ISOC1: variants seen among roughly 807,000 people sequenced by gnomAD.
ISOC1 encodes the protein isochorismatase domain containing 1, also known as isochorismatase domain-containing protein 1.
In ISOC1, 33 loss-of-function variants were observed where a neutral mutation model predicts 30.0. The observed-to-expected ratio is 1.10, with a 90% CI of 0.83 to 1.47. The LOEUF (loss-of-function observed/expected upper bound fraction) is 1.47. ISOC1 is among the 40% of genes most tolerant of loss of function. The probability of loss-of-function intolerance (pLI) is 0.00; values close to 1 mark genes in which losing one functional copy is unlikely to be tolerated. For missense variants in ISOC1, 372 were observed against 388.0 expected (o/e 0.96, Z 0.35); for synonymous variants, 178 against 159.8 (o/e 1.11, Z -0.86).
intron 4 of ISOC1, among the ~76,000 whole-genome samples, chr5:129,108,936 C>T (rs866715972): frequency 3.9e-5 from 6 of 152,242 alleles, no homozygotes; most frequent in Middle Eastern, 3.4e-3. Flanking sequence ...CTCTTTCAGC[C>T]ACTGTGGATA....
At chr5:129,102,385 G>A (rs1159719973) in intron 1 of ISOC1, among the ~76,000 whole-genome samples, 1 of 152,070 alleles carries the variant, frequency 6.6e-6, no homozygotes, top group African/African-American at 2.4e-5. Flanking sequence ...GAGGATTTTA[G>A]GGCTGTATTT....
chr5:129,096,851 C>T (rs1410770031), intron 1 of ISOC1, among the ~76,000 whole-genome samples: 1 of 152,102 alleles, frequency 6.6e-6, no homozygotes, highest in Non-Finnish European at 1.5e-5. Context: ...AAACTAGGCC[C>T]CAGCTCTGTA....
At chr5:129,107,829 G>C (rs59805230) in intron 4 of ISOC1, among the ~76,000 whole-genome samples, 10,068 of 152,174 alleles carry the variant, frequency 0.066, 647 homozygotes, top group African/African-American at 0.17. Context: ...TTTCATGGTA[G>C]TCTTGGCATT....
intron 4 of ISOC1, 71 bp downstream of exon 4, chr5:129,107,133 A>C: frequency 8.2e-7 from 1 of 1,226,476 alleles, no homozygotes; most frequent in Non-Finnish European, 1.2e-6. Context: ...CTGGATATTT[A>C]ACAGTAATGA....
Position 129,108,733 on chromosome 5 carries a change from A to T in ISOC1, c.750+1671A>T, listed in dbSNP as rs555329646. ...TGCCATGTTGGCCAGGCTGGTCTCG[A>T]ACTCCTGACCTCAGGTGATTTACTT... is the stretch of plus-strand genomic sequence containing the variant. On this transcript the variant is annotated intron_variant, in intron 4 of 4. Coordinates refer to ENST00000173527, the MANE Select transcript of ISOC1 (RefSeq NM_016048.2). Among the ~76,000 whole-genome samples the T allele has an allele frequency of 6.6e-5, 10 of 152,248 alleles. No homozygotes were observed. In the South Asian group the frequency reaches 2.1e-3, roughly 32 times the overall value.
intron 1 of ISOC1, chr5:129,097,847 C>CT (rs1561420922): frequency 6.5e-6 from 1 of 153,018 alleles, no homozygotes. Context: ...AACTTGAGCT[C>CT]TTGTTTGTTC....
chr5:129,108,830 T>C (rs1269528338), intron 4 of ISOC1, among the ~76,000 whole-genome samples: 1 of 152,160 alleles, frequency 6.6e-6, no homozygotes, highest in African/African-American at 2.4e-5. Flanking sequence ...AATCTATTCT[T>C]ATAGTCATGA....
At chr5:129,098,425 AAT>A (rs1753533742) in intron 1 of ISOC1, among the ~76,000 whole-genome samples, 1 of 152,234 alleles carries the variant, frequency 6.6e-6, no homozygotes, top group Admixed American at 6.5e-5. Context: ...CACGGGAAAG[AAT>A]ATAAATGAGA....
At chr5:129,108,099 A>G (rs920630053) in intron 4 of ISOC1, among the ~76,000 whole-genome samples, 1 of 152,212 alleles carries the variant, frequency 6.6e-6, no homozygotes, top group Non-Finnish European at 1.5e-5. Context: ...TGGGAAATAC[A>G]TGGGTTTGTT....
rs1363655516 is a variant in ISOC1, at chr5:129,094,854, T to C, written c.88T>C (p.Phe30Leu). The C allele has an allele frequency of 6.3e-7, 1 of 1,578,110 alleles. No individual in the cohort carries two copies. The highest frequency in any genetic ancestry group is 8.6e-7 in the Non-Finnish European group (1 of 1,164,400). Residue 30 changes from phenylalanine to leucine, a missense_variant, in exon 1 of 5, where the codon TTC becomes CTC. By Grantham distance (22) the Phe-to-Leu change is conservative (BLOSUM62 0). Transcript: ENST00000173527. ...GAPSGTVPVLFCFSVFARPSS... is the reference protein window; with the variant it reads ...GAPSGTVPVLLCFSVFARPSS... ...GCCGTCGGGCACAGTCCCGGTGCTC[T>C]TCTGTTTCTCAGTCTTCGCGCGACC... is the stretch of plus-strand genomic sequence containing the variant.
Position 129,095,089 on chromosome 5 carries a change from G to C in ISOC1, c.309+14G>C. The stretch of plus-strand genomic sequence containing the variant: ...TTGCAGATCCAGGTGGGTCCTGCGG[G>C]AGGCCGCGCGCTTCCCTGTTCCCGA... On this transcript the variant is annotated intron_variant, in intron 1 of 4. Coordinates refer to ENST00000173527, the MANE Select transcript of ISOC1 (RefSeq NM_016048.2). 1.3e-6 allele frequency: 2 copies of C among 1,533,266 alleles called. No individual in the cohort carries two copies. Among genetic ancestry groups the C allele is most frequent in the Non-Finnish European group, 1.7e-6 (2 of 1,144,908 alleles). 95.0% of individuals were successfully genotyped at this position (1,533,266 alleles called of 1,614,324 possible). A position where few individuals can be genotyped will look rare whatever the true frequency, so the allele number is the denominator to read the frequency against.
At chr5:129,110,533 A>G (rs1316025048) in intron 4 of ISOC1, among the ~76,000 whole-genome samples, 2 of 152,168 alleles carry the variant, frequency 1.3e-5, no homozygotes, top group Non-Finnish European at 2.9e-5. Context: ...TGGCTAGATG[A>G]TTTTAAAACC....
intron 4 of ISOC1, among the ~76,000 whole-genome samples, chr5:129,110,821 GA>G (rs1158634433): frequency 6.6e-6 from 1 of 152,140 alleles, no homozygotes; most frequent in Non-Finnish European, 1.5e-5. Flanking sequence ...AGATTATCGA[GA>G]ACTAACCTTT....
intron 1 of ISOC1, among the ~76,000 whole-genome samples, chr5:129,100,702 A>G (rs926381601): frequency 6.6e-6 from 1 of 152,080 alleles, no homozygotes; most frequent in Non-Finnish European, 1.5e-5. Context: ...AGAGAACTTC[A>G]TGAGTCAAAG....
chr5:129,097,049 T>A (rs968492127), intron 1 of ISOC1, among the ~76,000 whole-genome samples: 4 of 152,184 alleles, frequency 2.6e-5, no homozygotes, highest in African/African-American at 9.7e-5. Context: ...TATAGGAGAT[T>A]ATGTATAGTT....
At chr5:129,099,474 C>G (rs192758383) in intron 1 of ISOC1, among the ~76,000 whole-genome samples, 5 of 152,114 alleles carry the variant, frequency 3.3e-5, no homozygotes, top group African/African-American at 1.2e-4. Flanking sequence ...AAAATAAGAG[C>G]CAATAAGTAT....
At position 129,113,019 on chromosome 5, in the gene ISOC1, T is replaced by A. The variant is rs1189748790; in HGVS notation, c.*18T>A. 6.2e-7 allele frequency: 1 copy of A among 1,604,580 alleles called. No individual in the cohort carries two copies. The highest frequency in any genetic ancestry group is 8.5e-7 in the Non-Finnish European group (1 of 1,174,890). On this transcript the variant is annotated 3_prime_UTR_variant, in exon 5 of 5. Transcript: ENST00000173527. ...AAGTATAGGACATTTGAAGAACTGG[T>A]ATGCTACTCACTGGTGAAGGACAGT...
At chr5:129,102,071 C>T (rs974444488) in intron 1 of ISOC1, among the ~76,000 whole-genome samples, 1 of 152,132 alleles carries the variant, frequency 6.6e-6, no homozygotes, top group Non-Finnish European at 1.5e-5. Flanking sequence ...GAGACACAGT[C>T]GTCAGGTCTC....
chr5:129,096,095 T>C (rs1189429149), intron 1 of ISOC1, among the ~76,000 whole-genome samples: 1 of 152,240 alleles, frequency 6.6e-6, no homozygotes, highest in Non-Finnish European at 1.5e-5. Flanking sequence ...ATAATAGTTG[T>C]ACATATTTAT....
Sources: gnomAD v4.1 joint callset for allele counts (sites outside exome capture counted in the v4.1 genomes callset) on GRCh38, gnomAD v4.1.1 for gene constraint, MANE v1.5 for transcripts, NCBI Gene and HGNC (gene_info 2026-07-23, HGNC 2026-07-21) for gene names.